CCDC171: variants seen among roughly 807,000 people sequenced by gnomAD.
The protein encoded by CCDC171 is coiled-coil domain containing 171, also known as coiled-coil domain-containing protein 171.
A neutral mutation model predicts 168.2 loss-of-function variants in CCDC171; 177 were observed. The observed-to-expected ratio is 1.05, with a 90% CI of 0.93 to 1.19. The LOEUF is 1.19. Ranked by LOEUF, CCDC171 falls within the 50% of genes most tolerant of loss-of-function variation. The pLI, the probability that CCDC171 is intolerant of heterozygous loss-of-function variation, is 0.00. For missense variants in CCDC171, 1,991 were observed against 1,539.0 expected (o/e 1.29, Z -4.91); for synonymous variants, 687 against 540.8 (o/e 1.27, Z -3.75).
intron 4 of CCDC171, among the ~76,000 whole-genome samples, chr9:15,585,862 A>G (rs1209459893): frequency 3.3e-5 from 5 of 152,038 alleles, no homozygotes; most frequent in South Asian, 2.1e-4. Context: ...TGTAATTTCA[A>G]CTACTCAGGA....
chr9:16,072,493 A>G, the CCDC171 span, among the ~76,000 whole-genome samples: 1 of 152,110 alleles, frequency 6.6e-6, no homozygotes, highest in Non-Finnish European at 1.5e-5. Context: ...TGGAATCCAC[A>G]TCAACAAATG....
Position 15,581,923 on chromosome 9 carries a change from A to T in CCDC171, c.352+2900A>T, listed in dbSNP as rs201916215. ...AAGCAATGGCAACAAAAGCCAAAAT[A>T]GACAAATGGGATCTAATTAAACTAA... On this transcript the variant is annotated intron_variant, in intron 4 of 25. Transcript: ENST00000380701. Among the ~76,000 whole-genome samples, 748 of 151,814 alleles carry T rather than the reference A, an allele frequency of 4.9e-3. 7 individuals carry two copies. The highest frequency in any genetic ancestry group is 0.017 in the African/African-American group (715 of 41,130).
chr9:15,745,449 G>GTTT, intron 17 of CCDC171, 66 bp from the exon 18 acceptor site: 1 of 1,013,194 alleles, frequency 9.9e-7, no homozygotes, highest in African/African-American at 1.7e-5. Flanking sequence ...ACACTGCTAC[G>GTTT]AATTTTAAAT....
intron 18 of CCDC171, among the ~76,000 whole-genome samples, chr9:15,754,405 A>G (rs923352493): frequency 1.3e-5 from 2 of 152,134 alleles, no homozygotes; most frequent in South Asian, 4.1e-4. Context: ...ATTTAGTGAG[A>G]TAATACTTTT....
intron 10 of CCDC171, among the ~76,000 whole-genome samples, chr9:15,691,562 A>ATATATATATAT (rs2050795582): frequency 6.9e-6 from 1 of 144,950 alleles, no homozygotes; most frequent in Non-Finnish European, 1.5e-5. Context: ...ATATATATAT[A>ATATATATATAT]TATATATATG....
intron 21 of CCDC171, among the ~76,000 whole-genome samples, chr9:15,815,149 T>A (rs1293514132): frequency 1.3e-5 from 2 of 152,210 alleles, no homozygotes; most frequent in African/African-American, 4.8e-5. Flanking sequence ...ATCTGCTTAC[T>A]TCTGCTATCT....
chr9:15,747,344 C>T (rs2055368889), intron 18 of CCDC171, among the ~76,000 whole-genome samples: 1 of 152,188 alleles, frequency 6.6e-6, no homozygotes, highest in African/African-American at 2.4e-5. Flanking sequence ...AAACATTCCC[C>T]TGCCTGACAG....
chr9:15,594,167 G>C lies in CCDC171; in HGVS notation c.670G>C (p.Val224Leu), dbSNP rs1252269588. ...AGAAAGAAGAGAATTACAATTTATA[G>C]TACAGGTATTTTAAAAATAATCAGT... ...EAERRELQFIVQEQDTAVQNM... is the reference protein window; with the variant it reads ...EAERRELQFILQEQDTAVQNM... The change falls in exon 6 of 26, where the codon GTA (valine) becomes CTA (leucine). Residue 224 changes from valine to leucine, a missense_variant. Transcript: ENST00000380701. The C allele has an allele frequency of 7.2e-7, 1 of 1,380,148 alleles. No individual in the cohort carries two copies. The highest frequency in any genetic ancestry group is 2.4e-5 in the East Asian group (1 of 41,948). The allele number at this position is 1,380,148 out of a possible 1,614,324, so 85.5% of individuals were successfully genotyped here.
intron 18 of CCDC171, among the ~76,000 whole-genome samples, chr9:15,760,795 G>T (rs530682133): frequency 6.6e-6 from 1 of 152,282 alleles, no homozygotes; most frequent in South Asian, 2.1e-4. Context: ...CTTATAGAGA[G>T]TGGGCAAAGA....
At chr9:15,770,243 G>A (rs577708947) in intron 18 of CCDC171, among the ~76,000 whole-genome samples, 2 of 152,182 alleles carry the variant, frequency 1.3e-5, no homozygotes, top group East Asian at 1.9e-4. Context: ...CACCCAAAAA[G>A]TTCAATGTTC....
At chr9:15,987,626 A>G (rs369692505) in intron 3 of CCDC171, among the ~76,000 whole-genome samples, 1 of 152,344 alleles carries the variant, frequency 6.6e-6, no homozygotes, top group East Asian at 1.9e-4. Context: ...TAACTAAACT[A>G]TGATAACAGC....
chr9:15,931,456 CTT>C (rs57124025), intron 25 of CCDC171, among the ~76,000 whole-genome samples: 525 of 45,008 alleles, frequency 0.012, 2 homozygotes, highest in African/African-American at 0.04. Context: ...TTCTTTCTTT[CTT>C]TTTTTTTTTT....
chr9:15,904,641 A>G (rs1399608332), intron 24 of CCDC171, among the ~76,000 whole-genome samples: 3 of 152,222 alleles, frequency 2.0e-5, no homozygotes, highest in Non-Finnish European at 4.4e-5. Flanking sequence ...AGCTAACATC[A>G]TAATGTCAGG....
intron 18 of CCDC171, among the ~76,000 whole-genome samples, chr9:15,774,780 A>T (rs2057219390): frequency 6.6e-6 from 1 of 152,266 alleles, no homozygotes. Context: ...AGCCACAAAA[A>T]GGAACGAAAT....
At chr9:15,724,752 C>G (rs755062106) in intron 13 of CCDC171, 24 bp from the exon 14 acceptor site, 1 of 1,573,330 alleles carries the variant, frequency 6.4e-7, no homozygotes, top group South Asian at 1.1e-5. Flanking sequence ...TTTCTACAAT[C>G]TCTTTATTTG....
At chr9:15,558,989 TACC>T (rs1198883923) in intron 1 of CCDC171, among the ~76,000 whole-genome samples, 1 of 152,198 alleles carries the variant, frequency 6.6e-6, no homozygotes, top group Non-Finnish European at 1.5e-5. Flanking sequence ...TTTCGTTATG[TACC>T]CAGCAGTCAT....
intron 7 of CCDC171, among the ~76,000 whole-genome samples, chr9:15,642,310 T>TAC (rs1328437825): frequency 1.0e-4 from 11 of 109,254 alleles, no homozygotes; most frequent in African/African-American, 3.4e-4. Context: ...CACATATGTA[T>TAC]ACACGTATAT....
intron 10 of CCDC171, among the ~76,000 whole-genome samples, chr9:15,692,947 G>C (rs557335051): frequency 5.6e-4 from 85 of 152,062 alleles, no homozygotes; most frequent in African/African-American, 1.9e-3. Flanking sequence ...GACCAGCCTG[G>C]TCAACATGGT....
At chr9:15,650,173 C>T (rs928497141) in intron 7 of CCDC171, among the ~76,000 whole-genome samples, 1 of 152,156 alleles carries the variant, frequency 6.6e-6, no homozygotes, top group Non-Finnish European at 1.5e-5. Flanking sequence ...ACCGCATGTT[C>T]TCACTCATAG....
Sources: gnomAD v4.1 joint callset for allele counts (sites outside exome capture counted in the v4.1 genomes callset) on GRCh38, gnomAD v4.1.1 for gene constraint, MANE v1.5 for transcripts, NCBI Gene and HGNC (gene_info 2026-07-23, HGNC 2026-07-21) for gene names.